Variants in ZNF143 observed in about 807,000 individuals in gnomAD.
ZNF143 encodes SPH-binding factor.
In ZNF143, 49 loss-of-function variants were observed where a neutral mutation model predicts 74.1. That is an observed-to-expected ratio of 0.66 (90% CI 0.53 to 0.84). The LOEUF is 0.84. Among genes scored for constraint, ZNF143 ranks in the 40% least tolerant of loss-of-function variants. The pLI, the probability that ZNF143 is intolerant of heterozygous loss-of-function variation, is 0.00. For synonymous variants in ZNF143, 304 were observed against 282.8 expected (o/e 1.07, Z -0.75); for missense variants, 637 against 793.4 (o/e 0.80, Z 2.37).
intron 14 of ZNF143, 21 bp from the exon 15 acceptor site, chr11:9,525,219 G>A (rs750083894): frequency 1.2e-6 from 2 of 1,613,614 alleles, no homozygotes; most frequent in African/African-American, 1.3e-5. Context: ...TATGTGTATG[G>A]TTTGTTTTGT....
At chr11:9,512,815 T>C (rs1420311087) in intron 13 of ZNF143, among the ~76,000 whole-genome samples, 2 of 151,902 alleles carry the variant, frequency 1.3e-5, no homozygotes, top group Middle Eastern at 3.2e-3. Context: ...CTTGGTGTAG[T>C]TCAAAGGTGA....
intron 7 of ZNF143, among the ~76,000 whole-genome samples, chr11:9,489,782 C>A (rs534479294): frequency 6.6e-6 from 1 of 152,228 alleles, no homozygotes; most frequent in Admixed American, 6.5e-5. Context: ...GAAGAAGAGT[C>A]CTTTTCTCTT....
intron 1 of ZNF143, among the ~76,000 whole-genome samples, chr11:9,465,476 G>A (rs1300295007): frequency 6.6e-6 from 1 of 151,536 alleles, no homozygotes; most frequent in Non-Finnish European, 1.5e-5. Context: ...AAGCCACCGT[G>A]CCTGGCTGGT....
At position 9,521,571 on chromosome 11, in the gene ZNF143, G is replaced by GTT. The variant is rs1176133537; in HGVS notation, c.1687-3660_1687-3659dup. On this transcript the variant is annotated intron_variant, in intron 14 of 15. Coordinates refer to ENST00000396602, the MANE Select transcript of ZNF143 (RefSeq NM_003442.6). ...TTTCTTTTTGCGGAGGTTTTTTTTT[G>GTT]TTTTTTTTTTGTTGTTGTTGTTGTT... Among the ~76,000 whole-genome samples, 6 of 145,132 alleles carry GTT rather than the reference G, an allele frequency of 4.1e-5. 1 individual carries two copies. Among genetic ancestry groups the GTT allele is most frequent in the Non-Finnish European group, 1.5e-5 (1 of 65,474 alleles).
chr11:9,479,532 G>T lies in ZNF143; in HGVS notation c.631G>T (p.Glu211Ter). The change falls in exon 7 of 16, where the codon GAG becomes TAG. Residue 211 changes from glutamate (E) to a stop codon, truncating the protein, a stop_gained. Transcript: ENST00000396602. LOFTEE classifies it high-confidence loss of function. Reference sequence around the variant, plus strand: ...TGGAATGATTGGAGAAAATGAGCAAGAGAAAAAAATGCAGGTATGTAAAGC... The same window carrying T: ...TGGAATGATTGGAGAAAATGAGCAATAGAAAAAAATGCAGGTATGTAAAGC... ...GTGMIGENEQ[E>*]KKMQIVLQGH... is the part of the protein sequence containing the mutation. The T allele has an allele frequency of 6.2e-7, 1 of 1,612,494 alleles. No homozygotes were observed. Among genetic ancestry groups the T allele is most frequent in the South Asian group, 1.1e-5 (1 of 90,972 alleles).
chr11:9,518,741 T>C (rs565137572), intron 14 of ZNF143, among the ~76,000 whole-genome samples: 11 of 151,922 alleles, frequency 7.2e-5, no homozygotes, highest in African/African-American at 2.7e-4. Flanking sequence ...AAAAAGCTTC[T>C]GGTTATTTTC....
intron 1 of ZNF143, among the ~76,000 whole-genome samples, chr11:9,464,856 G>A (rs1856100317): frequency 1.3e-5 from 2 of 152,088 alleles, no homozygotes; most frequent in South Asian, 2.1e-4. Flanking sequence ...CCAGGAGGCA[G>A]AGGTTGCAGT....
At chr11:9,501,333 CA>C in intron 11 of ZNF143, 63 bp downstream of exon 11, 1 of 1,560,866 alleles carries the variant, frequency 6.4e-7, no homozygotes, top group Non-Finnish European at 8.7e-7. Flanking sequence ...CTGCCTTTTC[CA>C]GAAACCATTT....
chr11:9,501,279 C>A lies in ZNF143; in HGVS notation c.1147+9C>A, dbSNP rs757184529. 2 of 1,610,866 alleles carry A rather than the reference C, an allele frequency of 1.2e-6. No individual in the cohort carries two copies. Among genetic ancestry groups the A allele is most frequent in the South Asian group, 1.1e-5 (1 of 90,836 alleles). On this transcript the variant is annotated intron_variant, in intron 11 of 15. Transcript: ENST00000396602. Reference sequence around the variant, plus strand: ...TGTGAGGATACACACAGGTAACAATCTCTGATCTTTTGGTCTTTTATCTTT... The same window carrying A: ...TGTGAGGATACACACAGGTAACAATATCTGATCTTTTGGTCTTTTATCTTT...
chr11:9,524,745 G>T (rs764931844), intron 14 of ZNF143, among the ~76,000 whole-genome samples: 1 of 152,184 alleles, frequency 6.6e-6, no homozygotes, highest in Non-Finnish European at 1.5e-5. Flanking sequence ...AATGGGAAAT[G>T]AGTATGAGAT....
chr11:9,523,296 C>G (rs1589955608), intron 14 of ZNF143, among the ~76,000 whole-genome samples: 2 of 152,118 alleles, frequency 1.3e-5, no homozygotes, highest in East Asian at 3.8e-4. Flanking sequence ...TACCTCCTAA[C>G]TTGGTAAGAT....
intron 7 of ZNF143, among the ~76,000 whole-genome samples, chr11:9,484,151 A>G (rs1188395929): frequency 1.3e-5 from 2 of 151,426 alleles, no homozygotes; most frequent in Non-Finnish European, 2.9e-5. Flanking sequence ...CTCTAAAATG[A>G]TTAATTACCG....
chr11:9,471,653 A>G (rs958829613), intron 2 of ZNF143, among the ~76,000 whole-genome samples: 46 of 149,770 alleles, frequency 3.1e-4, no homozygotes, highest in African/African-American at 1.0e-3. Context: ...CCCAAGTCCA[A>G]GTGATTCTCC....
intron 1 of ZNF143, among the ~76,000 whole-genome samples, chr11:9,469,403 T>C (rs1034839211): frequency 2.0e-5 from 3 of 151,852 alleles, no homozygotes; most frequent in African/African-American, 7.3e-5. Context: ...AGCTAATTTT[T>C]GTATTTTTAG....
At chr11:9,473,672 A>G (rs1856716900) in intron 3 of ZNF143, 6 of 931,234 alleles carry the variant, frequency 6.4e-6, no homozygotes, top group Admixed American at 4.6e-5. Context: ...AAGCAGTCCA[A>G]CTCATGTAGC....
intron 7 of ZNF143, among the ~76,000 whole-genome samples, chr11:9,482,522 G>A (rs369862817): frequency 1.3e-4 from 20 of 151,450 alleles, no homozygotes; most frequent in African/African-American, 3.7e-4. Flanking sequence ...CGCCCACCTC[G>A]GCCTCCCATA....
At chr11:9,498,201 A>C (rs963736809) in intron 10 of ZNF143, among the ~76,000 whole-genome samples, 3 of 152,222 alleles carry the variant, frequency 2.0e-5, no homozygotes, top group African/African-American at 7.2e-5. Flanking sequence ...AGTCAATATC[A>C]AGGGCTTCTC....
At chr11:9,488,893 GA>G (rs939748694) in intron 7 of ZNF143, among the ~76,000 whole-genome samples, 31 of 146,268 alleles carry the variant, frequency 2.1e-4, no homozygotes, top group South Asian at 2.1e-4. Context: ...GTTCCAAATA[GA>G]AAAAAAAAAG....
At chr11:9,463,909 C>T (rs1856021333) in intron 1 of ZNF143, 2 of 152,166 alleles carry the variant, frequency 1.3e-5, no homozygotes, top group South Asian at 4.1e-4. Flanking sequence ...CAAGCATATA[C>T]AGATAACTAT....
Sources: gnomAD v4.1 joint callset for allele counts (sites outside exome capture counted in the v4.1 genomes callset) on GRCh38, gnomAD v4.1.1 for gene constraint, MANE v1.5 for transcripts, NCBI Gene and HGNC (gene_info 2026-07-23, HGNC 2026-07-21) for gene names.